The following SCN3B variants were observed in gnomAD, a reference collection of about 807,000 sequenced individuals.
The protein encoded by SCN3B is sodium channel regulatory subunit beta-3.
A neutral mutation model predicts 25.4 loss-of-function variants in SCN3B; 11 were observed. The ratio of observed to expected loss-of-function variants is 0.43; its 90% CI spans 0.27 to 0.72. The LOEUF (loss-of-function observed/expected upper bound fraction) is 0.72. Ranked by LOEUF, SCN3B falls within the 30% of genes least tolerant of loss-of-function variation. SCN3B has a pLI of 0.18. For synonymous variants in SCN3B, 109 were observed against 110.7 expected, an observed-to-expected ratio of 0.99 and a Z score of 0.09; for missense variants, 218 against 278.3, an observed-to-expected ratio of 0.78 and a Z score of 1.54.
chr11:123,634,566 C>A (rs1955706185), intron 5 of SCN3B, among the ~76,000 whole-genome samples: 2 of 152,090 alleles, frequency 1.3e-5, no homozygotes, highest in African/African-American at 4.8e-5. Flanking sequence ...CATGGTGAAA[C>A]CCTGTCTCTA....
In SCN3B at chr11:123,633,746, G is replaced by A. The variant is rs772015365; in HGVS notation, c.*53C>T. The stretch of plus-strand genomic sequence containing the variant: ...GATGCCATTGACATTGCTGAACATG[G>A]GATGTCCAGTCCCTCAGGTGTTCAG... On this transcript the variant is annotated 3_prime_UTR_variant, in exon 7 of 7. Coordinates refer to ENST00000299333, the MANE Select transcript of SCN3B (RefSeq NM_001040151.2). 1.3e-5 allele frequency: 4 copies of A among 306,078 alleles called. No homozygotes were observed. The highest frequency in any genetic ancestry group is 2.6e-5 in the Non-Finnish European group (4 of 155,832). 19.0% of individuals were successfully genotyped at this position (306,078 alleles called of 1,614,324 possible).
rs140509478 is a variant in SCN3B at position 123,650,005 on chromosome 11, A to G, written c.55+3742T>C. ...AGACATGAGCCACAGCACCCAGTCC[A>G]CCACTGCCCTTCTTTCTATGAAACC... is the stretch of plus-strand genomic sequence containing the variant. On this transcript the variant is annotated intron_variant, in intron 2 of 6. Transcript: ENST00000299333. Among the ~76,000 whole-genome samples the G allele has an allele frequency of 1.6e-3, 237 of 152,272 alleles. 1 individual carries two copies. The highest frequency in any genetic ancestry group is 5.4e-3 in the African/African-American group (225 of 41,562).
At chr11:123,637,851 G>A (rs542547742) in intron 5 of SCN3B, among the ~76,000 whole-genome samples, 6 of 152,208 alleles carry the variant, frequency 3.9e-5, no homozygotes, top group Non-Finnish European at 7.4e-5. Context: ...TTACTTTAAC[G>A]GGTTGTGGTA....
In SCN3B at chr11:123,642,501, C is replaced by T. The variant is rs148484744; in HGVS notation, c.390G>A (p.Ala130=). 1,742 of 1,614,168 alleles carry T rather than the reference C, an allele frequency of 1.1e-3. 4 individuals carry two copies. The highest frequency in any genetic ancestry group is 1.2e-3 in the Non-Finnish European group (1,371 of 1,180,044). ...CNVSREFEFE[A]HRPFVKTTRL... ...GCGTCGTCTTCACAAAGGGCCGATG[C>T]GCCTCAAACTCAAACTCCCGGGACA... Residue 130 remains alanine, a synonymous_variant, in exon 4 of 7, where the codon GCG becomes GCA. Coordinates refer to ENST00000299333, the MANE Select transcript of SCN3B (RefSeq NM_001040151.2). The surrounding 1 kb of genome is among the most constrained non-coding windows in gnomAD (Gnocchi z 4.3).
chr11:123,645,197 A>G (rs1263505508), intron 3 of SCN3B, among the ~76,000 whole-genome samples: 1 of 152,076 alleles, frequency 6.6e-6, no homozygotes, highest in Non-Finnish European at 1.5e-5. Context: ...AAAGGAGCTA[A>G]CCTTTGTTAT....
chr11:123,638,177 T>G lies in SCN3B; in HGVS notation c.584+9A>C, dbSNP rs2137235766. The G allele has an allele frequency of 1.9e-6, 3 of 1,614,090 alleles. No individual in the cohort carries two copies. The highest frequency in any genetic ancestry group is 1.7e-6 in the Non-Finnish European group (2 of 1,180,008). Reference sequence around the variant, plus strand: ...GCTTTCATTATTACTTTGGCATCTCTGGACTTACGCGTTTTCTTGGGCTGC... The same window carrying G: ...GCTTTCATTATTACTTTGGCATCTCGGGACTTACGCGTTTTCTTGGGCTGC... On this transcript the variant is annotated intron_variant, in intron 5 of 6. Transcript: ENST00000299333.
In SCN3B at chr11:123,638,235, A is replaced by G. The variant is rs1232088805; in HGVS notation, c.535T>C (p.Tyr179His). The change falls in exon 5 of 7, where the codon TAT becomes CAT. Residue 179 changes from tyrosine (Y) to histidine (H), a missense_variant. Coordinates refer to ENST00000299333, the MANE Select transcript of SCN3B (RefSeq NM_001040151.2). ...GCTTTTGAGACCTTTCTGTAGCAAT[A>G]TATCATCTCGATGAGCAGCCACAAG... is the stretch of plus-strand genomic sequence containing the variant. The part of the protein sequence containing the change: ...LTLWLLIEMI[Y>H]CYRKVSKAEE... 1.2e-6 allele frequency: 2 copies of G among 1,614,194 alleles called. No individual in the cohort carries two copies. The highest frequency in any genetic ancestry group is 1.7e-6 in the Non-Finnish European group (2 of 1,180,038).
intron 4 of SCN3B, among the ~76,000 whole-genome samples, chr11:123,641,360 C>T (rs960680340): frequency 2.0e-5 from 3 of 152,194 alleles, no homozygotes; most frequent in African/African-American, 7.2e-5. Flanking sequence ...TTAGTCATAT[C>T]GTCTGATCCG....
intron 5 of SCN3B, among the ~76,000 whole-genome samples, chr11:123,637,498 T>C (rs567986630): frequency 6.6e-6 from 1 of 152,246 alleles, no homozygotes; most frequent in South Asian, 2.1e-4. Context: ...ACGGTTATAA[T>C]AATGTTACTT....
At chr11:123,636,216 T>C (rs1451408895) in intron 5 of SCN3B, among the ~76,000 whole-genome samples, 1 of 152,256 alleles carries the variant, frequency 6.6e-6, no homozygotes, top group African/African-American at 2.4e-5. Flanking sequence ...TATTTAAATT[T>C]GTTACTAAAT....
intron 2 of SCN3B, 110 bp from the exon 3 acceptor site, chr11:123,645,860 G>C: frequency 7.7e-7 from 1 of 1,301,906 alleles, no homozygotes; most frequent in Non-Finnish European, 1.1e-6. Flanking sequence ...AGAAGGAAGA[G>C]TCATGAGGCC....
intron 3 of SCN3B, among the ~76,000 whole-genome samples, chr11:123,643,110 G>T (rs1395821108): frequency 2.6e-5 from 4 of 152,138 alleles, no homozygotes; most frequent in African/African-American, 9.7e-5. Flanking sequence ...AGAGAACAAG[G>T]TAGAGACAGC....
chr11:123,653,293 C>T (rs1213295035), intron 2 of SCN3B, among the ~76,000 whole-genome samples: 1 of 151,084 alleles, frequency 6.6e-6, no homozygotes, highest in African/African-American at 2.4e-5. Context: ...AAAGTATTTT[C>T]ACTCTCAAAA....
At chr11:123,650,676 C>T (rs1472408661) in intron 2 of SCN3B, among the ~76,000 whole-genome samples, 2 of 152,266 alleles carry the variant, frequency 1.3e-5, no homozygotes, top group East Asian at 3.9e-4. Flanking sequence ...AGGTGCCCTC[C>T]TGGCGATTGT....
intron 2 of SCN3B, among the ~76,000 whole-genome samples, chr11:123,651,525 G>A (rs1019856129): frequency 2.6e-5 from 4 of 152,080 alleles, no homozygotes; most frequent in African/African-American, 7.2e-5. Context: ...CACTATGCCC[G>A]ACTAATTTTT....
intron 3 of SCN3B, among the ~76,000 whole-genome samples, chr11:123,645,374 C>A (rs533289426): frequency 6.6e-6 from 1 of 152,264 alleles, no homozygotes; most frequent in East Asian, 1.9e-4. Flanking sequence ...TCCTCCAGCC[C>A]ATAATCAAGG....
At chr11:123,652,139 C>T (rs1449345951) in intron 2 of SCN3B, among the ~76,000 whole-genome samples, 2 of 152,152 alleles carry the variant, frequency 1.3e-5, no homozygotes, top group Non-Finnish European at 2.9e-5. Context: ...TGCAGAGTCT[C>T]ACTCCAACCC....
chr11:123,643,520 C>T (rs1386710488), intron 3 of SCN3B, among the ~76,000 whole-genome samples: 1 of 152,240 alleles, frequency 6.6e-6, no homozygotes, highest in South Asian at 2.1e-4. Flanking sequence ...AAATTCAGTT[C>T]CTCAGTGGCA....
At chr11:123,640,165 TGCCGTACA>T (rs1186720852) in intron 4 of SCN3B, 1 of 152,240 alleles carries the variant, frequency 6.6e-6, no homozygotes, top group Non-Finnish European at 1.5e-5. Flanking sequence ...CACATGAGAA[TGCCGTACA>T]GCTCAAACAT....
Sources: allele counts gnomAD v4.1 joint callset (sites outside exome capture counted in the v4.1 genomes callset), GRCh38; gene constraint gnomAD v4.1.1; non-coding constraint Gnocchi (gnomAD v3.1); transcripts MANE v1.5; gene names NCBI Gene and HGNC (gene_info 2026-07-23, HGNC 2026-07-21).